Variants in COL19A1 observed in about 807,000 individuals in gnomAD.
COL19A1 encodes the protein collagen alpha-1(XIX) chain.
A neutral mutation model predicts 190.2 loss-of-function variants in COL19A1; 159 were observed. The ratio of observed to expected loss-of-function variants is 0.84; its 90% CI spans 0.73 to 0.95. The LOEUF (loss-of-function observed/expected upper bound fraction) is 0.95, where lower values mean the gene tolerates loss of function less well. Ranked by LOEUF, COL19A1 falls within the 40% of genes least tolerant of loss-of-function variation. The pLI is 0.00. For synonymous variants in COL19A1, 509 were observed against 458.9 expected, an observed-to-expected ratio of 1.11 and a Z score of -1.39; for missense variants, 1,418 against 1,431.9, an observed-to-expected ratio of 0.99 and a Z score of 0.16.
chr6:70,139,178 A>T (rs1352642309), intron 19 of COL19A1, among the ~76,000 whole-genome samples: 1 of 152,122 alleles, frequency 6.6e-6, no homozygotes, highest in African/African-American at 2.4e-5. Flanking sequence ...AATCCCACTG[A>T]TTCTAAGTCA....
chr6:69,953,319 G>C (rs550208200), intron 9 of COL19A1, among the ~76,000 whole-genome samples: 1 of 151,960 alleles, frequency 6.6e-6, no homozygotes, highest in East Asian at 1.9e-4. Context: ...CTACACACAG[G>C]ATTGAATTTT....
chr6:70,137,033 TTAAG>T (rs1415754842), intron 18 of COL19A1, among the ~76,000 whole-genome samples: 2 of 151,682 alleles, frequency 1.3e-5, no homozygotes, highest in Non-Finnish European at 1.5e-5. Context: ...AACTCCTTTC[TTAAG>T]TATTACTTCT....
intron 4 of COL19A1, among the ~76,000 whole-genome samples, chr6:69,909,763 G>A (rs1042969017): frequency 3.9e-5 from 6 of 152,054 alleles, no homozygotes; most frequent in Admixed American, 3.3e-4. Flanking sequence ...ACTGATATAC[G>A]ATTTTCCCCA....
At chr6:69,966,539 A>G (rs1775118237) in intron 11 of COL19A1, among the ~76,000 whole-genome samples, 1 of 152,112 alleles carries the variant, frequency 6.6e-6, no homozygotes, top group South Asian at 2.1e-4. Context: ...GCGGTGCAAG[A>G]TGTGCTTTGT....
At chr6:70,175,430 T>C (rs1216652486) in intron 41 of COL19A1, among the ~76,000 whole-genome samples, 8 of 151,944 alleles carry the variant, frequency 5.3e-5, no homozygotes, top group Non-Finnish European at 8.8e-5. Context: ...ATGTATATTA[T>C]TTTATTTTTA....
intron 15 of COL19A1, among the ~76,000 whole-genome samples, chr6:70,088,092 G>A (rs887922468): frequency 1.3e-5 from 2 of 152,232 alleles, no homozygotes; most frequent in East Asian, 1.9e-4. Context: ...ACAGAAGAAT[G>A]GGTAGACCTT....
At chr6:69,991,889 A>T (rs940758397) in intron 11 of COL19A1, among the ~76,000 whole-genome samples, 3 of 152,068 alleles carry the variant, frequency 2.0e-5, no homozygotes, top group Non-Finnish European at 4.4e-5. Context: ...TGCTGTGCAG[A>T]GGCTGTTTAG....
intron 15 of COL19A1, among the ~76,000 whole-genome samples, chr6:70,097,176 TTC>T (rs1183552473): frequency 6.6e-6 from 1 of 152,112 alleles, no homozygotes; most frequent in Non-Finnish European, 1.5e-5. Flanking sequence ...AAGATAAATG[TTC>T]TCTCACACTG....
chr6:70,031,898 G>C (rs1440220114), intron 12 of COL19A1, among the ~76,000 whole-genome samples: 1 of 152,064 alleles, frequency 6.6e-6, no homozygotes, highest in East Asian at 1.9e-4. Flanking sequence ...AGTTCCTTGA[G>C]GACGGGAACC....
At chr6:69,957,111 T>A (rs529081168) in intron 9 of COL19A1, among the ~76,000 whole-genome samples, 125 of 152,240 alleles carry the variant, frequency 8.2e-4, no homozygotes, top group South Asian at 1.7e-3. Flanking sequence ...TGATTTTTTT[T>A]ATCAAATGTC....
intron 15 of COL19A1, among the ~76,000 whole-genome samples, chr6:70,093,212 C>T (rs781145049): frequency 4.6e-5 from 7 of 152,112 alleles, no homozygotes; most frequent in African/African-American, 1.4e-4. Context: ...TCCCCTTCTC[C>T]AGTATGGGAG....
At chr6:70,183,083 A>C (rs1369101454) in intron 44 of COL19A1, among the ~76,000 whole-genome samples, 1 of 152,110 alleles carries the variant, frequency 6.6e-6, no homozygotes, top group East Asian at 1.9e-4. Context: ...AGAGACAGGA[A>C]AATGTGTGAA....
intron 47 of COL19A1, among the ~76,000 whole-genome samples, chr6:70,189,635 G>A (rs1766732295): frequency 6.6e-6 from 1 of 152,126 alleles, no homozygotes; most frequent in Non-Finnish European, 1.5e-5. Flanking sequence ...TGTTATAAAT[G>A]TTAAATTCTT....
At chr6:70,034,197 A>C (rs753489932) in intron 12 of COL19A1, 48 bp from the exon 13 acceptor site, 2 of 1,320,934 alleles carry the variant, frequency 1.5e-6, no homozygotes, top group East Asian at 4.6e-5. Flanking sequence ...GACTTGTTAG[A>C]AATTAAAGCT....
At chr6:70,072,799 G>A (rs1213382398) in intron 15 of COL19A1, among the ~76,000 whole-genome samples, 1 of 151,994 alleles carries the variant, frequency 6.6e-6, no homozygotes, top group Non-Finnish European at 1.5e-5. Context: ...GCCCACACTT[G>A]ATGGCAAAGG....
At position 69,866,617 on chromosome 6, in the gene COL19A1, G is replaced by A. The variant is rs1767454911; in HGVS notation, c.-56G>A. 6.6e-6 allele frequency: 1 copy of A among 152,350 alleles called. No individual in the cohort carries two copies. Among genetic ancestry groups the A allele is most frequent in the Non-Finnish European group, 1.5e-5 (1 of 68,150 alleles). The allele number at this position is 152,350 out of a possible 1,614,324, so 9.4% of individuals were successfully genotyped here. The stretch of plus-strand genomic sequence containing the variant: ...CCTGTCCGGACTCCACTGCGCCTCT[G>A]AGGGGCTCAAATACGAATTCAAGGT... On this transcript the variant is annotated 5_prime_UTR_variant, in exon 1 of 51. Coordinates refer to ENST00000620364, the MANE Select transcript of COL19A1 (RefSeq NM_001858.6).
chr6:69,926,264 C>T (rs968836778), intron 4 of COL19A1, among the ~76,000 whole-genome samples: 1 of 151,988 alleles, frequency 6.6e-6, no homozygotes, highest in Non-Finnish European at 1.5e-5. Context: ...AGAAGGTATG[C>T]AAAACTATGT....
At chr6:70,121,837 G>T in intron 16 of COL19A1, 43 bp from the exon 17 acceptor site, 2 of 1,194,086 alleles carry the variant, frequency 1.7e-6, no homozygotes, top group South Asian at 1.4e-5. Context: ...TCATTGTTTT[G>T]GTAAATGTGT....
chr6:69,919,775 T>A (rs867923697), intron 4 of COL19A1, among the ~76,000 whole-genome samples: 40 of 152,302 alleles, frequency 2.6e-4, no homozygotes, highest in African/African-American at 5.1e-4. Context: ...TGAAATATTG[T>A]CATAGGTATG....
Sources: allele counts gnomAD v4.1 joint callset (sites outside exome capture counted in the v4.1 genomes callset), GRCh38; gene constraint gnomAD v4.1.1; transcripts MANE v1.5; gene names NCBI Gene and HGNC (gene_info 2026-07-23, HGNC 2026-07-21).